The following TFAP2A variants were observed in gnomAD, a reference collection of about 807,000 sequenced individuals.
The protein encoded by TFAP2A is transcription factor AP-2-alpha.
A neutral mutation model predicts 41.5 loss-of-function variants in TFAP2A; 7 were observed. That is an observed-to-expected ratio of 0.17 (90% CI 0.10 to 0.32). The LOEUF (loss-of-function observed/expected upper bound fraction) is 0.32. Among genes scored for constraint, TFAP2A ranks in the 10% least tolerant of loss-of-function variants. TFAP2A has a pLI of 1.00. For synonymous variants in TFAP2A, 247 were observed against 242.8 expected, an observed-to-expected ratio of 1.02 and a Z score of -0.16; for missense variants, 416 against 563.3, an observed-to-expected ratio of 0.74 and a Z score of 2.65.
upstream of TFAP2A, among the ~76,000 whole-genome samples, chr6:10,417,695 G>A (rs144718800): frequency 1.5e-4 from 23 of 152,312 alleles, no homozygotes; most frequent in African/African-American, 5.5e-4. Flanking sequence ...TTCTCCGATT[G>A]TCAATGCCCA....
upstream of TFAP2A, chr6:10,416,005 T>C (rs1004730413): frequency 3.9e-5 from 6 of 152,212 alleles, no homozygotes; most frequent in African/African-American, 7.2e-5. Flanking sequence ...ACAGTTCAAA[T>C]TGGTGTTCAG....
chr6:10,412,171 T>C (rs1328014392), intron 1 of TFAP2A: 1 of 985,906 alleles, frequency 1.0e-6, no homozygotes, highest in Non-Finnish European at 1.2e-6. Context: ...CAAATCGGAG[T>C]GGGGAGAGGG....
rs1757860204 is a variant in TFAP2A at position 10,409,605 on chromosome 6, C to T, written c.486+296G>A. ...TTTAGCAATTGAGACAGTTTACTGT[C>T]GTCGAGAGGAAGATATTGTTAATGG... On this transcript the variant is annotated intron_variant, in intron 2 of 6. Coordinates refer to ENST00000379613, the MANE Select transcript of TFAP2A (RefSeq NM_001372066.1). 10 of 416,164 alleles carry T rather than the reference C, an allele frequency of 2.4e-5. No individual in the cohort carries two copies. In the South Asian group the frequency reaches 2.7e-4, roughly 11 times the overall value. The allele number at this position is 416,164 out of a possible 1,614,324, so 25.8% of individuals were successfully genotyped here.
chr6:10,419,063 C>T (rs1270411316), upstream of TFAP2A, among the ~76,000 whole-genome samples: 3 of 152,152 alleles, frequency 2.0e-5, no homozygotes, highest in African/African-American at 7.2e-5. Context: ...TCCCTCCCCC[C>T]TTCCGAATTA....
Position 10,398,155 on chromosome 6 carries a change from G to T in TFAP2A, c.*262C>A. On this transcript the variant is annotated 3_prime_UTR_variant, in exon 7 of 7. Transcript: ENST00000379613. The surrounding 1 kb of genome is among the most constrained non-coding windows in gnomAD (Gnocchi z 5.3). Reference sequence around the variant, plus strand: ...TTCACGGCCTGTTCTGTTCTCTTAGGCTCCACATGAGGGCACAGGGGTGTG... The same window carrying T: ...TTCACGGCCTGTTCTGTTCTCTTAGTCTCCACATGAGGGCACAGGGGTGTG... 7.1e-7 allele frequency: 1 copy of T among 1,417,446 alleles called. No homozygotes were observed. Among genetic ancestry groups the T allele is most frequent in the Non-Finnish European group, 9.2e-7 (1 of 1,088,000 alleles). The allele number at this position is 1,417,446 out of a possible 1,614,324, so 87.8% of individuals were successfully genotyped here. A position where few individuals can be genotyped will look rare whatever the true frequency, so the allele number is the denominator to read the frequency against.
At chr6:10,402,385 G>C (rs115356308) in intron 5 of TFAP2A, 107 bp downstream of exon 5, 1 of 879,774 alleles carries the variant, frequency 1.1e-6, no homozygotes, top group Non-Finnish European at 2.0e-6. Flanking sequence ...TCTCTGCAAA[G>C]ATGAAACTGC....
intron 2 of TFAP2A, chr6:10,407,705 A>G (rs1039100499): frequency 6.6e-6 from 1 of 152,062 alleles, no homozygotes; most frequent in African/African-American, 2.4e-5. Flanking sequence ...ACCATTTAAA[A>G]AACTATTGCT....
At chr6:10,402,761 G>A (rs1004806039) in intron 4 of TFAP2A, 151 bp from the exon 5 acceptor site, 1 of 675,378 alleles carries the variant, frequency 1.5e-6, no homozygotes, top group African/African-American at 1.8e-5. Context: ...CCTAGGAATA[G>A]TACAGAAGTT....
At chr6:10,410,787 T>TA (rs1581270446) in intron 1 of TFAP2A, 1 of 172,270 alleles carries the variant, frequency 5.8e-6, no homozygotes, top group Middle Eastern at 2.9e-3. Context: ...CAAAGACTGT[T>TA]ACCGTTTCAT....
intron 5 of TFAP2A, among the ~76,000 whole-genome samples, chr6:10,401,823 G>A (rs1037456801): frequency 6.6e-6 from 1 of 152,162 alleles, no homozygotes; most frequent in Non-Finnish European, 1.5e-5. Context: ...GGCTTCCGGT[G>A]GCAGTTATCT....
At chr6:10,406,682 C>T (rs1757731520) in intron 3 of TFAP2A, 111 bp downstream of exon 3, 1 of 952,678 alleles carries the variant, frequency 1.0e-6, no homozygotes, top group Non-Finnish European at 1.7e-6. Context: ...TTTGCTAATT[C>T]TGAGCCTTTA....
intron 1 of TFAP2A, chr6:10,414,464 A>AGAAT (rs3834293): frequency 0.017 from 4,536 of 266,938 alleles, 54 homozygotes; most frequent in East Asian, 0.028. Context: ...GGGGGAAGAA[A>AGAAT]GAATGAATGA....
chr6:10,408,852 G>A (rs1431616403), intron 2 of TFAP2A, among the ~76,000 whole-genome samples: 1 of 151,676 alleles, frequency 6.6e-6, no homozygotes, highest in Non-Finnish European at 1.5e-5. Context: ...ACAATCTAAT[G>A]TAGTAATCAT....
chr6:10,405,049 C>A (rs1581263632), intron 3 of TFAP2A: 5 of 448,468 alleles, frequency 1.1e-5, no homozygotes, highest in African/African-American at 2.0e-5. Flanking sequence ...AATTGGTGAC[C>A]CCTGAGGCGC....
At chr6:10,411,682 C>CCA in intron 1 of TFAP2A, 1 of 1,604,572 alleles carries the variant, frequency 6.2e-7, no homozygotes, top group South Asian at 1.1e-5. Flanking sequence ...CGAGCGCGCC[C>CCA]CACACAAAAG....
rs1761896143 is a variant in TFAP2A at position 10,398,803 on chromosome 6, G to A, written c.1032-98C>T. The A allele has an allele frequency of 1.4e-6, 2 of 1,444,080 alleles. No individual in the cohort carries two copies. The highest frequency in any genetic ancestry group is 1.9e-6 in the Non-Finnish European group (2 of 1,063,004). 89.5% of individuals were successfully genotyped at this position (1,444,080 alleles called of 1,614,324 possible). ...CTCCCTCCCTGCAGCTACCTCTGCC[G>A]GGATCCAGCCGGTACCTGACATGAC... On this transcript the variant is annotated intron_variant, in intron 6 of 6. Coordinates refer to ENST00000379613, the MANE Select transcript of TFAP2A (RefSeq NM_001372066.1). The surrounding 1 kb of genome is among the most constrained non-coding windows in gnomAD (Gnocchi z 5.3).
At chr6:10,412,666 G>C (rs1392661442) in intron 1 of TFAP2A, 1 of 337,016 alleles carries the variant, frequency 3.0e-6, no homozygotes, top group East Asian at 1.6e-4. Flanking sequence ...CCGGGCGCTC[G>C]TGGGGCTCTC....
At chr6:10,399,547 A>G (rs1236788029) in intron 6 of TFAP2A, among the ~76,000 whole-genome samples, 2 of 152,120 alleles carry the variant, frequency 1.3e-5, no homozygotes, top group African/African-American at 4.8e-5. Flanking sequence ...GGGGCCTTCC[A>G]GGGGCAGCAG....
In TFAP2A at chr6:10,398,534, C is replaced by T. The variant is rs1420479673; in HGVS notation, c.1203G>A (p.Gln401=). 4 of 1,614,220 alleles carry T rather than the reference C, an allele frequency of 2.5e-6. No individual in the cohort carries two copies. The highest frequency in any genetic ancestry group is 2.5e-6 in the Non-Finnish European group (3 of 1,180,040). ...PAVCAAVTAL[Q]NYLTEALKAM... ...CCTTGAGGGCCTCGGTGAGATAGTT[C>T]TGCAGGGCCGTGACCGCGGCACACA... Residue 401 remains glutamine, a synonymous_variant, in exon 7 of 7, where the codon CAG becomes CAA. Coordinates refer to ENST00000379613, the MANE Select transcript of TFAP2A (RefSeq NM_001372066.1). The surrounding 1 kb of genome is among the most constrained non-coding windows in gnomAD (Gnocchi z 5.3).
Sources: gnomAD v4.1 joint callset for allele counts (sites outside exome capture counted in the v4.1 genomes callset) on GRCh38, gnomAD v4.1.1 for gene constraint, Gnocchi (gnomAD v3.1) non-coding constraint, MANE v1.5 for transcripts, NCBI Gene and HGNC (gene_info 2026-07-23, HGNC 2026-07-21) for gene names.